STAU2: variants seen among roughly 807,000 people sequenced by gnomAD.
STAU2 encodes double-stranded RNA-binding protein Staufen homolog 2.
Under a neutral mutation model 65.9 loss-of-function variants are expected in STAU2, and 20 were observed. The observed-to-expected ratio is 0.30, with a 90% CI of 0.21 to 0.44. STAU2 has a LOEUF of 0.44. Among genes scored for constraint, STAU2 ranks in the 20% least tolerant of loss-of-function variants. STAU2 has a pLI of 1.00. For synonymous variants in STAU2, 232 were observed against 233.9 expected, an observed-to-expected ratio of 0.99 and a Z score of 0.07; for missense variants, 558 against 683.9, an observed-to-expected ratio of 0.82 and a Z score of 2.05.
intron 13 of STAU2, among the ~76,000 whole-genome samples, chr8:73,446,259 A>T (rs1818461264): frequency 6.6e-6 from 1 of 152,202 alleles, no homozygotes; most frequent in Admixed American, 6.5e-5. Context: ...TGGAGAACAG[A>T]TTCATGGTTG....
At chr8:73,593,048 C>A (rs1313479375) in intron 11 of STAU2, among the ~76,000 whole-genome samples, 3 of 152,018 alleles carry the variant, frequency 2.0e-5, no homozygotes. Context: ...TTTTCCTGTA[C>A]CTTGCATGCA....
upstream of STAU2, chr8:73,747,378 C>T (rs1476421167): frequency 2.9e-5 from 45 of 1,535,230 alleles, no homozygotes; most frequent in Non-Finnish European, 3.3e-5. Context: ...TCTGATTCCC[C>T]GCTCGTACCT....
At chr8:73,506,547 C>T (rs570847566) in intron 13 of STAU2, among the ~76,000 whole-genome samples, 11 of 152,122 alleles carry the variant, frequency 7.2e-5, no homozygotes, top group Non-Finnish European at 1.5e-4. Context: ...GAAAAAAATG[C>T]TAACAATCAT....
intron 12 of STAU2, chr8:73,561,452 A>C (rs1407933037): frequency 2.3e-6 from 1 of 441,926 alleles, no homozygotes; most frequent in Non-Finnish European, 4.5e-6. Flanking sequence ...TAGTTTATTT[A>C]AGTGGGGTTA....
At chr8:73,569,042 G>C (rs1216570110) in intron 12 of STAU2, among the ~76,000 whole-genome samples, 1 of 152,066 alleles carries the variant, frequency 6.6e-6, no homozygotes, top group South Asian at 2.1e-4. Flanking sequence ...AAGGGGTCGG[G>C]GAATTCCCTT....
At chr8:73,458,620 C>T (rs1819193101) in intron 13 of STAU2, 1 of 152,186 alleles carries the variant, frequency 6.6e-6, no homozygotes, top group Non-Finnish European at 1.5e-5. Flanking sequence ...AATATTTTCT[C>T]TAACTGCAAA....
chr8:73,604,871 T>G (rs984390000), intron 9 of STAU2, among the ~76,000 whole-genome samples: 3 of 152,148 alleles, frequency 2.0e-5, no homozygotes. Flanking sequence ...TAGTAAAGCC[T>G]GAGATGGTAC....
chr8:73,617,299 G>C lies in STAU2; in HGVS notation c.563C>G (p.Ser188Cys). 1.9e-6 allele frequency: 3 copies of C among 1,614,018 alleles called. No homozygotes were observed. Among genetic ancestry groups the C allele is most frequent in the Non-Finnish European group, 2.5e-6 (3 of 1,179,940 alleles). ...ALQNEPIPER[S>C]PQNGESGKDV... ...CATGCAGCAGCACCACACCTGAGGAGATCTTTCTGGAATAGGTTCATTCTG... is the reference window on the plus strand; with the variant it reads ...CATGCAGCAGCACCACACCTGAGGACATCTTTCTGGAATAGGTTCATTCTG... The change falls in exon 7 of 15, where the codon TCT (serine) becomes TGT (cysteine). Residue 188 changes from serine (S) to cysteine (C), a missense_variant. Ser to Cys is a moderately radical substitution (Grantham distance 112). Coordinates refer to ENST00000524300, the MANE Select transcript of STAU2 (RefSeq NM_001164380.2).
intron 13 of STAU2, among the ~76,000 whole-genome samples, chr8:73,506,078 G>C (rs1585893390): frequency 6.6e-6 from 1 of 152,114 alleles, no homozygotes; most frequent in South Asian, 2.1e-4. Context: ...ATAGCCTGCA[G>C]AACTATGAGC....
At chr8:73,556,972 CAT>C (rs1807833005) in intron 12 of STAU2, among the ~76,000 whole-genome samples, 1 of 152,090 alleles carries the variant, frequency 6.6e-6, no homozygotes, top group African/African-American at 2.4e-5. Context: ...AATGGAGTGT[CAT>C]ATTACTGATT....
chr8:73,647,481 G>A (rs1383293201), intron 6 of STAU2, among the ~76,000 whole-genome samples: 1 of 152,146 alleles, frequency 6.6e-6, no homozygotes, highest in Non-Finnish European at 1.5e-5. Context: ...CACATTCATG[G>A]TTGCCAAGGG....
intron 3 of STAU2, among the ~76,000 whole-genome samples, chr8:73,721,972 C>G (rs1040882248): frequency 6.6e-6 from 1 of 151,976 alleles, no homozygotes. Flanking sequence ...GTGTTTGTTC[C>G]TTTTTTCTTC....
intron 4 of STAU2, among the ~76,000 whole-genome samples, chr8:73,701,850 T>A (rs948612243): frequency 1.4e-4 from 21 of 152,166 alleles, no homozygotes; most frequent in Non-Finnish European, 1.3e-4. Context: ...AATAGATGAA[T>A]GGATAAAGAG....
chr8:73,548,525 T>C (rs755444257), intron 13 of STAU2, among the ~76,000 whole-genome samples: 3 of 152,164 alleles, frequency 2.0e-5, no homozygotes, highest in Admixed American at 6.6e-5. Flanking sequence ...GGCATATGAG[T>C]TGAAATGTAT....
chr8:73,617,996 G>A (rs1302573471), intron 6 of STAU2, among the ~76,000 whole-genome samples: 1 of 152,186 alleles, frequency 6.6e-6, no homozygotes, highest in African/African-American at 2.4e-5. Context: ...CTGAGGTAAT[G>A]AGGCTAATGA....
intron 12 of STAU2, among the ~76,000 whole-genome samples, chr8:73,578,690 A>C (rs1333889923): frequency 6.6e-6 from 1 of 152,196 alleles, no homozygotes; most frequent in Non-Finnish European, 1.5e-5. Context: ...TGCCCAGTAC[A>C]AGTAACCCAC....
chr8:73,705,526 T>C (rs1291360585), intron 4 of STAU2, among the ~76,000 whole-genome samples: 1 of 152,158 alleles, frequency 6.6e-6, no homozygotes, highest in Non-Finnish European at 1.5e-5. Context: ...GCTCTCTTCC[T>C]CATATTCTAA....
chr8:73,597,411 T>C (rs1220667215), intron 10 of STAU2, among the ~76,000 whole-genome samples: 1 of 151,172 alleles, frequency 6.6e-6, no homozygotes, highest in East Asian at 1.9e-4. Flanking sequence ...CTCAGCACTT[T>C]GGGAGGCCAA....
At chr8:73,704,816 G>A (rs1206264526) in intron 4 of STAU2, among the ~76,000 whole-genome samples, 4 of 152,046 alleles carry the variant, frequency 2.6e-5, no homozygotes, top group Non-Finnish European at 5.9e-5. Context: ...CTAAAGGCTC[G>A]TGCCACCACG....
Sources: allele counts gnomAD v4.1 joint callset (sites outside exome capture counted in the v4.1 genomes callset), GRCh38; gene constraint gnomAD v4.1.1; transcripts MANE v1.5; gene names NCBI Gene and HGNC (gene_info 2026-07-23, HGNC 2026-07-21).